Variants in ARMH3 observed in about 807,000 individuals in gnomAD.
ARMH3 encodes armadillo-like helical domain-containing protein 3.
Under a neutral mutation model 99.1 loss-of-function variants are expected in ARMH3, and 60 were observed. That is an observed-to-expected ratio of 0.61 (90% CI 0.49 to 0.75). The LOEUF is 0.75. Ranked by LOEUF, ARMH3 falls within the 30% of genes least tolerant of loss-of-function variation. ARMH3 has a pLI of 0.00. For synonymous variants in ARMH3, 285 were observed against 292.8 expected (o/e 0.97, Z 0.27); for missense variants, 679 against 843.1 (o/e 0.81, Z 2.41).
chr10:101,996,007 G>C (rs1244540429), intron 15 of ARMH3, among the ~76,000 whole-genome samples: 1 of 152,170 alleles, frequency 6.6e-6, no homozygotes, highest in Non-Finnish European at 1.5e-5. Context: ...AAAGGTCCCT[G>C]GTCTCTCACA....
At chr10:101,923,761 G>C (rs561570349) in intron 23 of ARMH3, among the ~76,000 whole-genome samples, 9 of 152,100 alleles carry the variant, frequency 5.9e-5, no homozygotes, top group African/African-American at 2.2e-4. Context: ...CCTCTGTTGC[G>C]GTTTTGGGAG....
rs746236094 is a variant in ARMH3, at chr10:101,956,651, G to A, written c.1651C>T (p.Leu551Phe). Residue 551 changes from leucine (L) to phenylalanine (F), a missense_variant, in exon 22 of 26, where the codon CTT (leucine) becomes TTT (phenylalanine). By Grantham distance (22) the Leu-to-Phe change is conservative. This residue lies in a region of ARMH3 where 389 missense variants were observed against 456.5 expected (regional missense o/e 0.85). Transcript: ENST00000370033. ...TGCATGCGGATAATCTCATAGTAAA[G>A]TTCATCATAGCTGCTGGGGGTTGGC... is the stretch of plus-strand genomic sequence containing the variant. ...FLPTPSSYDE[L>F]YYEIIRMHQS... is the part of the protein sequence containing the mutation. The A allele has an allele frequency of 8.1e-6, 13 of 1,613,794 alleles. No individual in the cohort carries two copies. In the South Asian group the frequency reaches 1.4e-4, roughly 18 times the overall value.
chr10:102,055,640 C>T (rs1476786850), intron 1 of ARMH3, among the ~76,000 whole-genome samples: 1 of 152,186 alleles, frequency 6.6e-6, no homozygotes, highest in Non-Finnish European at 1.5e-5. Flanking sequence ...TTCCGGGACA[C>T]CTGAAGACTT....
intron 24 of ARMH3, among the ~76,000 whole-genome samples, chr10:101,877,827 T>A (rs1015083034): frequency 2.6e-5 from 4 of 152,140 alleles, no homozygotes; most frequent in African/African-American, 9.7e-5. Flanking sequence ...ATGCTGACAG[T>A]GATAGAGATG....
intron 19 of ARMH3, among the ~76,000 whole-genome samples, chr10:101,988,242 G>C (rs897781598): frequency 6.6e-6 from 1 of 152,022 alleles, no homozygotes; most frequent in East Asian, 1.9e-4. Flanking sequence ...AATAACCCTG[G>C]GCAAAGTAAT....
At chr10:102,032,550 A>G (rs1221903111) in intron 4 of ARMH3, among the ~76,000 whole-genome samples, 1 of 152,006 alleles carries the variant, frequency 6.6e-6, no homozygotes, top group African/African-American at 2.4e-5. Context: ...ACAGGTGCCC[A>G]CCACCATGCC....
intron 5 of ARMH3, among the ~76,000 whole-genome samples, chr10:102,028,090 GTT>G: frequency 6.6e-6 from 1 of 151,972 alleles, no homozygotes; most frequent in East Asian, 1.9e-4. Flanking sequence ...AAAAACAACT[GTT>G]GACATAATGT....
intron 24 of ARMH3, among the ~76,000 whole-genome samples, chr10:101,882,510 C>A (rs1224712222): frequency 6.6e-6 from 1 of 152,062 alleles, no homozygotes; most frequent in Non-Finnish European, 1.5e-5. Flanking sequence ...ACTTTCCCAC[C>A]CAACACTGAG....
At chr10:101,956,255 G>A (rs1209306128) in intron 22 of ARMH3, among the ~76,000 whole-genome samples, 1 of 152,056 alleles carries the variant, frequency 6.6e-6, no homozygotes, top group Non-Finnish European at 1.5e-5. Context: ...ACAATGTTCT[G>A]GGATCCAAGT....
chr10:101,884,345 T>G (rs1056190616), intron 24 of ARMH3, among the ~76,000 whole-genome samples: 1 of 152,142 alleles, frequency 6.6e-6, no homozygotes, highest in Non-Finnish European at 1.5e-5. Context: ...CCTGGACATA[T>G]CAAATGATTC....
intron 24 of ARMH3, among the ~76,000 whole-genome samples, chr10:101,885,390 T>C (rs1305974348): frequency 6.6e-6 from 1 of 152,160 alleles, no homozygotes; most frequent in African/African-American, 2.4e-5. Flanking sequence ...AACCCAAATG[T>C]CCACCAATGG....
At chr10:101,950,816 T>C (rs1269523469) in intron 22 of ARMH3, among the ~76,000 whole-genome samples, 1 of 151,886 alleles carries the variant, frequency 6.6e-6, no homozygotes, top group Non-Finnish European at 1.5e-5. Flanking sequence ...AAATGGGGAG[T>C]CACCACTCAT....
intron 24 of ARMH3, among the ~76,000 whole-genome samples, chr10:101,855,256 T>C (rs2066710159): frequency 6.9e-6 from 1 of 145,052 alleles, no homozygotes; most frequent in Non-Finnish European, 1.5e-5. Context: ...TTAGTAGAGA[T>C]AGGGTTTTAC....
intron 23 of ARMH3, among the ~76,000 whole-genome samples, chr10:101,928,781 A>G (rs1192258681): frequency 6.6e-6 from 1 of 152,178 alleles, no homozygotes; most frequent in Non-Finnish European, 1.5e-5. Flanking sequence ...TCCAGGCTGG[A>G]GTGCAATGGT....
intron 22 of ARMH3, among the ~76,000 whole-genome samples, chr10:101,946,071 C>CAAAAAAAAAAAAAAAAAAAAA (rs569179050): frequency 2.0e-4 from 7 of 34,484 alleles, no homozygotes; most frequent in African/African-American, 1.2e-3. Context: ...GACTCTGCCT[C>CAAAAAAAAAAAAAAAAAAAAA]AAAAAAAAAA....
intron 23 of ARMH3, among the ~76,000 whole-genome samples, chr10:101,928,711 A>G (rs1843602223): frequency 6.6e-6 from 1 of 152,152 alleles, no homozygotes; most frequent in South Asian, 2.1e-4. Flanking sequence ...ACAATAAGAT[A>G]TTTTGTTGTT....
rs560623604 is a variant in ARMH3, at chr10:102,055,028, C to A, written c.-12+1057G>T. Among the ~76,000 whole-genome samples, 631 of 126,716 alleles carry A rather than the reference C, an allele frequency of 5.0e-3. 12 individuals carry two copies. The South Asian group carries it at 0.078, about 16-fold the overall frequency. The allele number at this position is 126,716 out of a possible 152,430, so 83.1% of individuals were successfully genotyped here. On this transcript the variant is annotated intron_variant, in intron 1 of 25. Coordinates refer to ENST00000370033, the MANE Select transcript of ARMH3 (RefSeq NM_024541.3). The stretch of plus-strand genomic sequence containing the variant: ...ACAAAAAACAAAACAAACAAACAAA[C>A]AAAAAAAAAAAGGCCGGGCGCGGTG...
chr10:101,864,937 CA>C (rs986316556), intron 24 of ARMH3, among the ~76,000 whole-genome samples: 31 of 147,392 alleles, frequency 2.1e-4, no homozygotes, highest in Non-Finnish European at 2.7e-4. Flanking sequence ...TGACGCAGCT[CA>C]AAAAAAAAAA....
intron 16 of ARMH3, 55 bp from the exon 17 acceptor site, chr10:101,993,658 A>T (rs1200838420): frequency 8.4e-7 from 1 of 1,185,340 alleles, no homozygotes; most frequent in African/African-American, 1.5e-5. Context: ...AAGAAACTGT[A>T]ATCTATCACA....
Sources: allele counts gnomAD v4.1 joint callset (sites outside exome capture counted in the v4.1 genomes callset), GRCh38; gene constraint gnomAD v4.1.1; regional missense constraint gnomAD v4.1.1; transcripts MANE v1.5; gene names NCBI Gene and HGNC (gene_info 2026-07-23, HGNC 2026-07-21).